Variants in TTC28 observed in about 807,000 individuals in gnomAD.
TTC28 encodes tetratricopeptide repeat protein 28.
In TTC28, 61 loss-of-function variants were observed where a neutral mutation model predicts 198.0. The ratio of observed to expected loss-of-function variants is 0.31; its 90% CI spans 0.25 to 0.38. TTC28 has a LOEUF of 0.38. TTC28 is among the 10% of genes least tolerant of loss of function. The pLI is 1.00. For synonymous variants in TTC28, 1,171 were observed against 1,297.8 expected (o/e 0.90, Z 2.10); for missense variants, 2,678 against 3,164.0 (o/e 0.85, Z 3.69).
At chr22:28,486,668 T>A (rs988018282) in intron 2 of TTC28, among the ~76,000 whole-genome samples, 1 of 152,166 alleles carries the variant, frequency 6.6e-6, no homozygotes, top group African/African-American at 2.4e-5. Flanking sequence ...GGAAGGCCAA[T>A]TGTAAAGTGG....
At chr22:28,538,502 G>A (rs1175806567) in intron 2 of TTC28, among the ~76,000 whole-genome samples, 2 of 151,986 alleles carry the variant, frequency 1.3e-5, no homozygotes, top group Admixed American at 1.3e-4. Flanking sequence ...TGAAAGTTGG[G>A]TGTGGTGATA....
intron 14 of TTC28, 149 bp from the exon 15 acceptor site, chr22:28,001,702 G>A: frequency 8.8e-6 from 8 of 904,204 alleles, no homozygotes; most frequent in Non-Finnish European, 1.3e-5. Context: ...CATGGGCCGA[G>A]TTGCAGCCCT....
intron 2 of TTC28, among the ~76,000 whole-genome samples, chr22:28,456,619 G>A (rs1242192251): frequency 1.3e-5 from 2 of 151,718 alleles, no homozygotes; most frequent in Non-Finnish European, 2.9e-5. Flanking sequence ...CTCTGACTCC[G>A]GTTTGGAGTG....
intron 20 of TTC28, 183 bp from the exon 21 acceptor site, chr22:27,990,190 G>C: frequency 1.2e-6 from 1 of 817,736 alleles, no homozygotes; most frequent in South Asian, 2.4e-5. Flanking sequence ...CTCTCTGTGG[G>C]AAGCTCATGG....
At chr22:28,646,026 C>A (rs1461918502) in intron 1 of TTC28, among the ~76,000 whole-genome samples, 1 of 152,070 alleles carries the variant, frequency 6.6e-6, no homozygotes, top group Non-Finnish European at 1.5e-5. Flanking sequence ...TAATGATGCC[C>A]ATTTTCACCA....
intron 5 of TTC28, among the ~76,000 whole-genome samples, chr22:28,249,704 C>A (rs1930375493): frequency 6.6e-6 from 1 of 152,206 alleles, no homozygotes; most frequent in Non-Finnish European, 1.5e-5. Flanking sequence ...GCATGCCCTC[C>A]ACGTTGCCTT....
At chr22:28,012,434 G>A (rs563147943) in intron 14 of TTC28, among the ~76,000 whole-genome samples, 32 of 152,302 alleles carry the variant, frequency 2.1e-4, no homozygotes, top group South Asian at 4.1e-4. Context: ...CCCGGCACTC[G>A]GAAGAGGTAT....
intron 1 of TTC28, among the ~76,000 whole-genome samples, chr22:28,678,213 GTATT>G (rs937658586): frequency 1.3e-5 from 2 of 152,072 alleles, no homozygotes; most frequent in African/African-American, 4.8e-5. Flanking sequence ...AATCATTTAT[GTATT>G]TATTTACTTA....
At chr22:28,043,237 C>A (rs1481969211) in intron 12 of TTC28, among the ~76,000 whole-genome samples, 2 of 77,704 alleles carry the variant, frequency 2.6e-5, no homozygotes, top group African/African-American at 5.3e-5. Context: ...AGTAAGACTC[C>A]ATCTCAAAAA....
chr22:28,064,686 C>T (rs1263900158), intron 12 of TTC28, among the ~76,000 whole-genome samples: 1 of 152,130 alleles, frequency 6.6e-6, no homozygotes, highest in Non-Finnish European at 1.5e-5. Flanking sequence ...TCAGCATCAG[C>T]TCTACATTCA....
intron 1 of TTC28, among the ~76,000 whole-genome samples, chr22:28,652,673 G>A (rs1010694562): frequency 2.0e-5 from 3 of 152,096 alleles, no homozygotes; most frequent in African/African-American, 4.8e-5. Flanking sequence ...GCAAAGCTTT[G>A]AGAATATAAT....
chr22:28,568,403 A>AG (rs1163446812), intron 2 of TTC28, among the ~76,000 whole-genome samples: 2 of 152,200 alleles, frequency 1.3e-5, no homozygotes, highest in Non-Finnish European at 2.9e-5. Context: ...ACATACAAAT[A>AG]GGAAGAGAAG....
intron 2 of TTC28, among the ~76,000 whole-genome samples, chr22:28,627,017 A>G (rs1038713992): frequency 1.3e-5 from 2 of 152,170 alleles, no homozygotes; most frequent in Admixed American, 1.3e-4. Flanking sequence ...TAGGAAAAAC[A>G]CAAGTGGATC....
chr22:28,317,524 C>G (rs2045371503), intron 2 of TTC28, among the ~76,000 whole-genome samples: 3 of 152,158 alleles, frequency 2.0e-5, no homozygotes, highest in Admixed American at 2.0e-4. Flanking sequence ...TAGGACCTGT[C>G]CTTCATATGC....
At chr22:28,296,478 C>A in intron 4 of TTC28, 150 bp from the exon 5 acceptor site, 1 of 769,388 alleles carries the variant, frequency 1.3e-6, no homozygotes. Context: ...GTTTCTTCCA[C>A]AAGACCCTAT....
At chr22:28,542,410 A>G (rs892583054) in intron 2 of TTC28, among the ~76,000 whole-genome samples, 8 of 152,158 alleles carry the variant, frequency 5.3e-5, no homozygotes, top group African/African-American at 1.9e-4. Flanking sequence ...TGGCAGAAAA[A>G]TTCTAAATTT....
intron 2 of TTC28, among the ~76,000 whole-genome samples, chr22:28,312,389 C>T (rs1279870781): frequency 2.0e-5 from 3 of 152,102 alleles, no homozygotes; most frequent in Admixed American, 6.5e-5. Context: ...ACTCTCCACC[C>T]CAAATCAACA....
chr22:28,086,947 C>T (rs1246626246), intron 12 of TTC28, among the ~76,000 whole-genome samples: 1 of 152,104 alleles, frequency 6.6e-6, no homozygotes, highest in Non-Finnish European at 1.5e-5. Flanking sequence ...TACACCCTCC[C>T]AAGACTAAAC....
At chr22:28,357,025 A>G (rs1045527277) in intron 2 of TTC28, among the ~76,000 whole-genome samples, 36 of 152,184 alleles carry the variant, frequency 2.4e-4, no homozygotes, top group African/African-American at 8.7e-4. Context: ...ATCATAGTCC[A>G]CAGAATAACT....
Sources: gnomAD v4.1 joint callset for allele counts (sites outside exome capture counted in the v4.1 genomes callset) on GRCh38, gnomAD v4.1.1 for gene constraint, MANE v1.5 for transcripts, NCBI Gene and HGNC (gene_info 2026-07-23, HGNC 2026-07-21) for gene names.